Variants in FKBP15 observed in about 807,000 individuals in gnomAD.
The protein encoded by FKBP15 is FK506-binding protein 15.
Under a neutral mutation model 158.1 loss-of-function variants are expected in FKBP15, and 106 were observed. That is an observed-to-expected ratio of 0.67 (90% CI 0.57 to 0.79). The LOEUF (loss-of-function observed/expected upper bound fraction) is 0.79, where lower values mean the gene tolerates loss of function less well. Ranked by LOEUF, FKBP15 falls within the 30% of genes least tolerant of loss-of-function variation. FKBP15 has a pLI of 0.00. For synonymous variants in FKBP15, 547 were observed against 548.6 expected, an observed-to-expected ratio of 1.00 and a Z score of 0.04; for missense variants, 1,287 against 1,479.1, an observed-to-expected ratio of 0.87 and a Z score of 2.13.
In FKBP15 at chr9:113,206,554, C is replaced by T. The variant is rs765730133; in HGVS notation, c.279G>A (p.Gln93=). 1 of 1,613,864 alleles carries T rather than the reference C, an allele frequency of 6.2e-7. No homozygotes were observed. The highest frequency in any genetic ancestry group is 1.1e-5 in the South Asian group (1 of 91,080). The change falls in exon 4 of 28, where the codon CAG becomes CAA. Residue 93 remains glutamine (Q), a synonymous_variant. Transcript: ENST00000238256. ...YRYTNGQYVK[Q]GKFGAAVLGN... Reference sequence around the variant, plus strand: ...CCAGAACTGCAGCACCAAATTTGCCCTGCTTTACATATTGACCATTTGTGC... The same window carrying T: ...CCAGAACTGCAGCACCAAATTTGCCTTGCTTTACATATTGACCATTTGTGC...
Position 113,211,764 on chromosome 9 carries a change from T to A in FKBP15, c.54-172A>T, listed in dbSNP as rs4989078. 6.6e-6 allele frequency among the ~76,000 whole-genome samples: 1 copy of A among 151,072 alleles called. No homozygotes were observed. The highest frequency in any genetic ancestry group is 2.0e-4 in the East Asian group (1 of 5,116). On this transcript the variant is annotated intron_variant, in intron 1 of 27. Transcript: ENST00000238256. ...CTGATTTAAAAATTAAAAAAAAAAA[T>A]AAATAAAAATATTGGACACAGCAAA...
intron 20 of FKBP15, 121 bp from the exon 21 acceptor site, chr9:113,176,794 G>A (rs1830306786): frequency 9.1e-7 from 1 of 1,102,860 alleles, no homozygotes; most frequent in Non-Finnish European, 1.3e-6. Flanking sequence ...CATCACTCAG[G>A]CTGGAGTGCA....
intron 1 of FKBP15, among the ~76,000 whole-genome samples, chr9:113,215,851 A>G (rs1007759839): frequency 1.3e-5 from 2 of 150,998 alleles, no homozygotes; most frequent in African/African-American, 2.4e-5. Flanking sequence ...GGGTTTTGCT[A>G]TGTTGGCCAG....
At chr9:113,200,714 A>G (rs1056596307) in intron 6 of FKBP15, among the ~76,000 whole-genome samples, 1 of 152,200 alleles carries the variant, frequency 6.6e-6, no homozygotes, top group African/African-American at 2.4e-5. Context: ...GTGTTTTAAC[A>G]TAGTATCCAT....
intron 6 of FKBP15, 137 bp from the exon 7 acceptor site, chr9:113,200,100 A>G: frequency 1.0e-6 from 1 of 987,608 alleles, no homozygotes; most frequent in Non-Finnish European, 1.4e-6. Flanking sequence ...ACCAAACGGA[A>G]GCCAGTTATC....
In FKBP15 at chr9:113,202,582, G is replaced by T; in HGVS notation, c.447C>A (p.Asn149Lys). The change falls in exon 6 of 28, where the codon AAC becomes AAA. Residue 149 changes from asparagine to lysine, a missense_variant. Asn to Lys is a moderately conservative substitution (Grantham distance 94, BLOSUM62 0). Transcript: ENST00000238256. Reference sequence around the variant, plus strand: ...TTTCCGACTCAAACATGATGGACCAGTTCTGTCTCTGGTCATCATAAAAGG... The same window carrying T: ...TTTCCGACTCAAACATGATGGACCATTTCTGTCTCTGGTCATCATAAAAGG... The part of the protein sequence containing the change: ...YSTFYDDQRQ[N>K]WSIMFESEKA... The T allele has an allele frequency of 2.5e-6, 4 of 1,584,248 alleles. No individual in the cohort carries two copies. Among genetic ancestry groups the T allele is most frequent in the Non-Finnish European group, 2.6e-6 (3 of 1,164,050 alleles).
chr9:113,215,578 A>G, intron 1 of FKBP15, among the ~76,000 whole-genome samples: 1 of 149,942 alleles, frequency 6.7e-6, no homozygotes, highest in Non-Finnish European at 1.5e-5. Context: ...ATAAACATAT[A>G]TACATATGTG....
rs1830441096 is a variant in FKBP15, at chr9:113,183,791, GTTC to G, written c.1768_1770del (p.Glu590del). ...ATTAGTTCACTAATCTTGTCATTCT[GTTC>G]TTCTATCCGATTGCTCTTTTCAAGG... On this transcript the variant is annotated inframe_deletion, in exon 18 of 28. Coordinates refer to ENST00000238256, the MANE Select transcript of FKBP15 (RefSeq NM_015258.2). 3.1e-6 allele frequency: 5 copies of G among 1,613,612 alleles called. No individual in the cohort carries two copies. Among genetic ancestry groups the G allele is most frequent in the African/African-American group, 1.3e-5 (1 of 75,010 alleles).
chr9:113,206,563 A>G lies in FKBP15; in HGVS notation c.270T>C (p.Tyr90=), dbSNP rs750995120. The change falls in exon 4 of 28, where the codon TAT becomes TAC. Residue 90 remains tyrosine (Y), a synonymous_variant. Coordinates refer to ENST00000238256, the MANE Select transcript of FKBP15 (RefSeq NM_015258.2). The part of the protein sequence containing the change: ...VHAYRYTNGQ[Y]VKQGKFGAAV... The stretch of plus-strand genomic sequence containing the variant: ...CAGCACCAAATTTGCCCTGCTTTAC[A>G]TATTGACCATTTGTGCTATAAAAGG... 9 of 1,613,914 alleles carry G rather than the reference A, an allele frequency of 5.6e-6. No individual in the cohort carries two copies. Among genetic ancestry groups the G allele is most frequent in the Non-Finnish European group, 7.6e-6 (9 of 1,179,816 alleles).
At position 113,173,310 on chromosome 9, in the gene FKBP15, T is replaced by C. The variant is rs1318188319; in HGVS notation, c.2532+143A>G. 2.0e-5 allele frequency: 16 copies of C among 806,346 alleles called. No homozygotes were observed. The East Asian group carries it at 4.4e-4, about 22-fold the overall frequency. 49.9% of individuals were successfully genotyped at this position (806,346 alleles called of 1,614,324 possible). ...TCACCCCACATAAGTATGTGAAAGA[T>C]AACTGACAAGCTAAACAAGTGTGGT... On this transcript the variant is annotated intron_variant, in intron 23 of 27. Transcript: ENST00000238256.
At position 113,207,363 on chromosome 9, in the gene FKBP15, G is replaced by A. The variant is rs752042314; in HGVS notation, c.170-67C>T. On this transcript the variant is annotated intron_variant, in intron 2 of 27. Transcript: ENST00000238256. Reference sequence around the variant, plus strand: ...CTTTAAACTAATTTTTTTTAAAGACGGAGTTTCACTTTGTCACCCAGGCTG... The same window carrying A: ...CTTTAAACTAATTTTTTTTAAAGACAGAGTTTCACTTTGTCACCCAGGCTG... 3.9e-5 allele frequency: 40 copies of A among 1,031,126 alleles called. 3 individuals carry two copies. The highest frequency in any genetic ancestry group is 3.0e-4 in the Middle Eastern group (1 of 3,290). 63.9% of individuals were successfully genotyped at this position (1,031,126 alleles called of 1,614,324 possible).
chr9:113,192,482 C>G (rs976701472), intron 11 of FKBP15, among the ~76,000 whole-genome samples: 1 of 152,126 alleles, frequency 6.6e-6, no homozygotes, highest in African/African-American at 2.4e-5. Flanking sequence ...CCATATGCAT[C>G]CTTCTTAAAG....
rs942151838 is a variant in FKBP15 at position 113,188,509 on chromosome 9, G to A, written c.1174-18C>T. ...TTCACATCCTGAAACAGGAACAAGC[G>A]TTTGGGTTACTCTGTACGGGGTCCC... is the stretch of plus-strand genomic sequence containing the variant. On this transcript the variant is annotated intron_variant, in intron 12 of 27. Coordinates refer to ENST00000238256, the MANE Select transcript of FKBP15 (RefSeq NM_015258.2). 37 of 1,605,000 alleles carry A rather than the reference G, an allele frequency of 2.3e-5. No homozygotes were observed. The highest frequency in any genetic ancestry group is 3.3e-5 in the Admixed American group (2 of 59,950).
At chr9:113,171,533 G>T (rs1245186719) in intron 24 of FKBP15, 48 bp downstream of exon 24, 12 of 1,586,182 alleles carry the variant, frequency 7.6e-6, no homozygotes, top group Non-Finnish European at 1.0e-5. Context: ...TGTTCTTTCT[G>T]AATGCTTGAT....
At chr9:113,197,228 TAAG>T (rs1326704069) in intron 8 of FKBP15, 150 bp from the exon 9 acceptor site, 2 of 831,504 alleles carry the variant, frequency 2.4e-6, no homozygotes, top group Non-Finnish European at 3.8e-6. Flanking sequence ...CATGTTGGTA[TAAG>T]AATATCTAGA....
intron 4 of FKBP15, among the ~76,000 whole-genome samples, chr9:113,205,442 T>C (rs1012098377): frequency 7.2e-5 from 11 of 152,100 alleles, no homozygotes; most frequent in African/African-American, 2.7e-4. Context: ...TTGGGTAAAA[T>C]GCACATTAAA....
intron 1 of FKBP15, among the ~76,000 whole-genome samples, chr9:113,217,278 C>T (rs1268261078): frequency 2.7e-5 from 4 of 147,716 alleles, no homozygotes; most frequent in African/African-American, 7.5e-5. Flanking sequence ...AGTGGCACGA[C>T]CTTGGCTCAC....
intron 1 of FKBP15, among the ~76,000 whole-genome samples, chr9:113,217,527 C>A (rs1240694277): frequency 6.6e-6 from 1 of 152,098 alleles, no homozygotes; most frequent in African/African-American, 2.4e-5. Flanking sequence ...CTATTAATAT[C>A]TTTAATGGAC....
At chr9:113,180,507 A>ACAGTGGATGGGATGACT (rs71384298) in intron 19 of FKBP15, among the ~76,000 whole-genome samples, 1 of 151,196 alleles carries the variant, frequency 6.6e-6, no homozygotes, top group Admixed American at 6.6e-5. Flanking sequence ...AAAAATCTAC[A>ACAGTGGATGGGATGACT]CCCTGGTTCC....
Sources: gnomAD v4.1 joint callset for allele counts (sites outside exome capture counted in the v4.1 genomes callset) on GRCh38, gnomAD v4.1.1 for gene constraint, MANE v1.5 for transcripts, NCBI Gene and HGNC (gene_info 2026-07-23, HGNC 2026-07-21) for gene names.